CRTC2: variants seen among roughly 807,000 people sequenced by gnomAD.
CRTC2 encodes the protein CREB-regulated transcription coactivator 2.
CRTC2 carries 25 observed loss-of-function variants against 70.9 expected under a neutral mutation model. The observed-to-expected ratio is 0.35, with a 90% CI of 0.26 to 0.49. The LOEUF is 0.49. Ranked by LOEUF, CRTC2 falls within the 20% of genes least tolerant of loss-of-function variation. CRTC2 has a pLI of 0.98. For missense variants in CRTC2, 737 were observed against 882.6 expected (o/e 0.83, Z 2.09); for synonymous variants, 330 against 364.1 (o/e 0.91, Z 1.07).
intron 1 of CRTC2, 22 bp downstream of exon 1, chr1:153,958,323 G>C: frequency 1.2e-6 from 2 of 1,607,702 alleles, no homozygotes; most frequent in Non-Finnish European, 1.7e-6. Flanking sequence ...CTCTGCTCCG[G>C]CTCCCCGGCG....
chr1:153,952,715 G>T, intron 7 of CRTC2, 80 bp from the exon 8 acceptor site: 1 of 1,600,408 alleles, frequency 6.2e-7, no homozygotes, highest in South Asian at 1.1e-5. Context: ...CAGGTGGGAA[G>T]GAGTCCTGCT....
At chr1:153,958,051 G>A in intron 1 of CRTC2, 1 of 1,309,302 alleles carries the variant, frequency 7.6e-7, no homozygotes, top group Non-Finnish European at 9.8e-7. Context: ...GATGCACAAG[G>A]ACCACTCACC....
At position 153,958,167 on chromosome 1, in the gene CRTC2, C is replaced by T. The variant is rs562917584; in HGVS notation, c.153+178G>A. On this transcript the variant is annotated intron_variant, in intron 1 of 13. Coordinates refer to ENST00000368633, the MANE Select transcript of CRTC2 (RefSeq NM_181715.3). ...GAACCTCTCCGGTGTTTCGGTCTCC[C>T]CCGGCAAAATCCTTCTTCCTGCCCC... is the stretch of plus-strand genomic sequence containing the variant. 4.2e-6 allele frequency: 6 copies of T among 1,421,792 alleles called. No homozygotes were observed. In the South Asian group the frequency reaches 9.0e-5, roughly 21 times the overall value. 88.1% of individuals were successfully genotyped at this position (1,421,792 alleles called of 1,614,324 possible).
intron 5 of CRTC2, 54 bp downstream of exon 5, chr1:153,953,484 G>T: frequency 6.4e-7 from 1 of 1,561,576 alleles, no homozygotes; most frequent in Non-Finnish European, 8.8e-7. Flanking sequence ...GAGGGAGCAG[G>T]GCCCCAGAAA....
At chr1:153,954,434 CTA>C in intron 3 of CRTC2, 118 bp from the exon 4 acceptor site, 1 of 731,040 alleles carries the variant, frequency 1.4e-6, no homozygotes, top group East Asian at 2.7e-5. Flanking sequence ...TTCTCCTCTT[CTA>C]TAAGGGACAA....
In CRTC2 at chr1:153,948,559, C is replaced by A. The variant is rs1680147950; in HGVS notation, c.1760G>T (p.Gly587Val). The change falls in exon 13 of 14, where the codon GGT becomes GTT. Residue 587 changes from glycine (G) to valine (V), a missense_variant. Physicochemically the swap from Gly to Val is moderately radical, Grantham distance 109. Transcript: ENST00000368633. ...CTGGGGGCCACCCATTGGCCCCTCA[C>A]CCCCTAAAAATCCAGGCCCTTCAGA... ...GFSEGPGFLG[G>V]EGPMGGPQDP... 2.5e-6 allele frequency: 4 copies of A among 1,611,102 alleles called. No individual in the cohort carries two copies. The highest frequency in any genetic ancestry group is 3.4e-6 in the Non-Finnish European group (4 of 1,178,896).
intron 11 of CRTC2, 30 bp downstream of exon 11, chr1:153,951,230 C>CA (rs761828046): frequency 1.9e-6 from 3 of 1,609,838 alleles, no homozygotes; most frequent in Non-Finnish European, 8.5e-7. Flanking sequence ...GGAAGGGAGA[C>CA]AGACATGCAG....
In CRTC2 at chr1:153,953,354, A is replaced by G. The variant is rs200892316; in HGVS notation, c.519T>C (p.Ser173=). ...GGTTCATCACACTTGTATGAAGGGC[A>G]GAGTCAGAGCTTGTCCTATGGGGGG... The part of the protein sequence containing the change: ...PSALNRTSSD[S]ALHTSVMNPS... The change falls in exon 6 of 14, where the codon TCT becomes TCC. Residue 173 remains serine, a synonymous_variant. Transcript: ENST00000368633. 6.2e-7 allele frequency: 1 copy of G among 1,606,234 alleles called. No homozygotes were observed. Among genetic ancestry groups the G allele is most frequent in the Non-Finnish European group, 8.5e-7 (1 of 1,177,234 alleles).
In CRTC2 at chr1:153,951,433, A is replaced by C. The variant is rs1680312849; in HGVS notation, c.1231T>G (p.Leu411Val). The change falls in exon 11 of 14, where the codon TTG (leucine) becomes GTG (valine). Residue 411 changes from leucine (L) to valine (V), a missense_variant. Physicochemically the swap from Leu to Val is conservative, Grantham distance 32. Transcript: ENST00000368633. ...GAAGCAGGGTAAGAGGGGGCGCCCA[A>C]AACAGGAGATGAAGTGGAGGAGGAG... ...SSSSSTSSPVLGAPSYPASTP... is the reference protein window; with the variant it reads ...SSSSSTSSPVVGAPSYPASTP... 19 of 1,603,924 alleles carry C rather than the reference A, an allele frequency of 1.2e-5. No individual in the cohort carries two copies. Among genetic ancestry groups the C allele is most frequent in the Non-Finnish European group, 1.5e-5 (18 of 1,174,760 alleles).
At position 153,958,515 on chromosome 1, in the gene CRTC2, C is replaced by T. The variant is rs1248870665; in HGVS notation, c.-18G>A. 5.0e-6 allele frequency: 8 copies of T among 1,601,002 alleles called. No homozygotes were observed. The highest frequency in any genetic ancestry group is 6.8e-6 in the Non-Finnish European group (8 of 1,172,438). On this transcript the variant is annotated 5_prime_UTR_variant, in exon 1 of 14. Coordinates refer to ENST00000368633, the MANE Select transcript of CRTC2 (RefSeq NM_181715.3). The stretch of plus-strand genomic sequence containing the variant: ...GTCGCCATCTTCCTTCCCCGTCCCT[C>T]CCTGCCACCCTCCCAGTACCAGCCG...
chr1:153,949,160 C>G lies in CRTC2; in HGVS notation c.1629G>C (p.Gly543=). ...TCATTGGCCGGTGGTAAGACTGTTG[C>G]CCATGCCCACTGGGCCCAGGTGGGT... ...TPYPPGPSGH[G]QQSYHRPMSD... The change falls in exon 12 of 14, where the codon GGG becomes GGC. Residue 543 remains glycine (G), a synonymous_variant. Coordinates refer to ENST00000368633, the MANE Select transcript of CRTC2 (RefSeq NM_181715.3). 6.2e-7 allele frequency: 1 copy of G among 1,613,264 alleles called. No individual in the cohort carries two copies. Among genetic ancestry groups the G allele is most frequent in the Non-Finnish European group, 8.5e-7 (1 of 1,179,614 alleles).
chr1:153,948,081 C>T lies in CRTC2; in HGVS notation c.*28G>A. 1 of 1,608,030 alleles carries T rather than the reference C, an allele frequency of 6.2e-7. No individual in the cohort carries two copies. The highest frequency in any genetic ancestry group is 1.1e-5 in the South Asian group (1 of 90,874). ...AAGGAATGGTGGTGGGGGATGGGGC[C>T]AAGAAGAGGGATGGTGATGAGGTGC... On this transcript the variant is annotated 3_prime_UTR_variant, in exon 14 of 14. Transcript: ENST00000368633.
intron 1 of CRTC2, 200 bp downstream of exon 1, chr1:153,958,145 C>T (rs1251366962): frequency 1.1e-5 from 15 of 1,416,388 alleles, no homozygotes; most frequent in Non-Finnish European, 1.3e-5. Context: ...ACACCCCGAA[C>T]CTCTCCGGTG....
In CRTC2 at chr1:153,952,119, G is replaced by C; in HGVS notation, c.896C>G (p.Pro299Arg). The C allele has an allele frequency of 3.1e-6, 5 of 1,614,150 alleles. No individual in the cohort carries two copies. The highest frequency in any genetic ancestry group is 4.2e-6 in the Non-Finnish European group (5 of 1,180,014). ...GGTACTGTTGCCCCCACTCAGGCTA[G>C]GGTAGGCTGTCTCTTCAGGGTCCAG... is the stretch of plus-strand genomic sequence containing the variant. ...TPLDPEETAYPSLSGGNSTSN... is the reference protein window; with the variant it reads ...TPLDPEETAYRSLSGGNSTSN... The change falls in exon 10 of 14, where the codon CCT becomes CGT. Residue 299 changes from proline to arginine, a missense_variant. Pro to Arg is a moderately radical substitution (Grantham distance 103). Around this residue, in one of 3 missense-constraint regions of CRTC2, gnomAD observed 699 missense variants for 823.7 expected, o/e 0.85. Transcript: ENST00000368633.
In CRTC2 at chr1:153,951,370, G is replaced by A. The variant is rs1372653436; in HGVS notation, c.1294C>T (p.Leu432Phe). The A allele has an allele frequency of 1.2e-6, 2 of 1,612,690 alleles. No individual in the cohort carries two copies. Among genetic ancestry groups the A allele is most frequent in the South Asian group, 1.1e-5 (1 of 90,896 alleles). ...GASPHHRRVP[L>F]SPLSLLAGPA... ...CCCGCGAGCAAACTCAGGGGGCTGA[G>A]GGGCACACGGCGGTGGTGGGGGGAG... The change falls in exon 11 of 14, where the codon CTC becomes TTC. Residue 432 changes from leucine (L) to phenylalanine (F), a missense_variant. Transcript: ENST00000368633.
chr1:153,948,768 G>A, intron 12 of CRTC2, 124 bp from the exon 13 acceptor site: 1 of 1,135,406 alleles, frequency 8.8e-7, no homozygotes, highest in Non-Finnish European at 1.3e-6. Context: ...CAATGACAGA[G>A]GGAGGTGGCA....
chr1:153,949,106 A>C lies in CRTC2; in HGVS notation c.1674+9T>G. On this transcript the variant is annotated intron_variant, in intron 12 of 13. Transcript: ENST00000368633. ...CCCCTGCTTTTGAGCAAGGAGCCTGAGTACTCACATTCCCCAGGTTGAAGT... is the reference window on the plus strand; with the variant it reads ...CCCCTGCTTTTGAGCAAGGAGCCTGCGTACTCACATTCCCCAGGTTGAAGT... 1 of 1,602,520 alleles carries C rather than the reference A, an allele frequency of 6.2e-7. No homozygotes were observed. The highest frequency in any genetic ancestry group is 1.3e-5 in the African/African-American group (1 of 74,814).
rs773243105 is a variant in CRTC2 at position 153,951,419 on chromosome 1, A to T, written c.1245T>A (p.Ser415=). ...AGGCCCCAGGGGTAGAAGCAGGGTA[A>T]GAGGGGGCGCCCAAAACAGGAGATG... ...STSSPVLGAP[S]YPASTPGASP... is the part of the protein sequence containing the mutation. The change falls in exon 11 of 14, where the codon TCT becomes TCA. Residue 415 remains serine (S), a synonymous_variant. Coordinates refer to ENST00000368633, the MANE Select transcript of CRTC2 (RefSeq NM_181715.3). 1.9e-6 allele frequency: 3 copies of T among 1,606,080 alleles called. No homozygotes were observed. Among genetic ancestry groups the T allele is most frequent in the Admixed American group, 1.7e-5 (1 of 58,744 alleles).
chr1:153,950,509 G>A (rs2102105232), intron 11 of CRTC2, among the ~76,000 whole-genome samples: 1 of 152,116 alleles, frequency 6.6e-6, no homozygotes, highest in East Asian at 1.9e-4. Context: ...GCAGAGGAGA[G>A]GGAAAAGAGC....
Sources: allele counts gnomAD v4.1 joint callset (sites outside exome capture counted in the v4.1 genomes callset), GRCh38; gene constraint gnomAD v4.1.1; regional missense constraint gnomAD v4.1.1; transcripts MANE v1.5; gene names NCBI Gene and HGNC (gene_info 2026-07-23, HGNC 2026-07-21).